HACD3: variants seen among roughly 807,000 people sequenced by gnomAD.
HACD3 encodes the protein 3-hydroxyacyl-CoA dehydratase 3, also known as very-long-chain (3R)-3-hydroxyacyl-CoA dehydratase 3.
Under a neutral mutation model 55.2 loss-of-function variants are expected in HACD3, and 30 were observed. The ratio of observed to expected loss-of-function variants is 0.54; its 90% confidence interval spans 0.41 to 0.74. The LOEUF is 0.74. Among genes scored for constraint, HACD3 ranks in the 30% least tolerant of loss-of-function variants. The probability of loss-of-function intolerance (pLI) is 0.00; values close to 1 mark genes in which losing one functional copy is unlikely to be tolerated. For missense variants in HACD3, 363 were observed against 440.1 expected (o/e 0.82, Z 1.57); for synonymous variants, 141 against 151.7 (o/e 0.93, Z 0.52).
rs555520713 is a variant in HACD3 at position 65,550,151 on chromosome 15, G to T, written c.88-1525G>T. On this transcript the variant is annotated intron_variant, in intron 1 of 10. Transcript: ENST00000261875. ...GCCTGTAATCCCAGCACTTTGGGAG[G>T]CCGAGGCAGGCAGATCACCTGAGGT... 5.3e-5 allele frequency among the ~76,000 whole-genome samples: 8 copies of T among 152,320 alleles called. No individual in the cohort carries two copies. In the South Asian group the frequency reaches 1.5e-3, roughly 28 times the overall value.
chr15:65,568,938 G>C (rs147986318), intron 7 of HACD3, among the ~76,000 whole-genome samples: 35 of 152,126 alleles, frequency 2.3e-4, no homozygotes, highest in African/African-American at 8.4e-4. Flanking sequence ...GTGGACTATA[G>C]CCACATGCAT....
At chr15:65,536,350 A>G (rs1014933203) in intron 1 of HACD3, among the ~76,000 whole-genome samples, 6 of 152,306 alleles carry the variant, frequency 3.9e-5, no homozygotes, top group South Asian at 2.1e-4. Context: ...AAGATGGTGA[A>G]CTTAATCGAT....
At chr15:65,562,441 C>G (rs902725391) in intron 5 of HACD3, among the ~76,000 whole-genome samples, 3 of 152,200 alleles carry the variant, frequency 2.0e-5, no homozygotes, top group African/African-American at 7.2e-5. Context: ...AGCCAGAAAC[C>G]GTTGCCGAAA....
In HACD3 at chr15:65,576,289, CTT is replaced by C. The variant is rs1169856666; in HGVS notation, c.1013-11_1013-10del. The C allele has an allele frequency of 3.8e-6, 6 of 1,582,462 alleles. No homozygotes were observed. Among genetic ancestry groups the C allele is most frequent in the South Asian group, 2.3e-5 (2 of 86,448 alleles). Reference sequence around the variant, plus strand: ...AAAGACTCTAATTTCTAATTGACCTCTTTTCTTTTTCAGGTTTATACATAAAT... The same window carrying C: ...AAAGACTCTAATTTCTAATTGACCTCTTCTTTTTCAGGTTTATACATAAAT... On this transcript the variant is annotated splice_polypyrimidine_tract_variant and intron_variant, in intron 10 of 10. Transcript: ENST00000261875.
intron 1 of HACD3, among the ~76,000 whole-genome samples, chr15:65,543,456 G>C (rs1165897317): frequency 6.6e-6 from 1 of 151,814 alleles, no homozygotes; most frequent in Non-Finnish European, 1.5e-5. Context: ...AAACTTTTTT[G>C]GGATAAAACA....
chr15:65,550,213 C>G (rs1567334461), intron 1 of HACD3, among the ~76,000 whole-genome samples: 1 of 152,020 alleles, frequency 6.6e-6, no homozygotes, highest in African/African-American at 2.4e-5. Context: ...CATGGTGAAA[C>G]CTCGTCTCTG....
chr15:65,551,656 T>A lies in HACD3; in HGVS notation c.88-20T>A. The A allele has an allele frequency of 6.2e-7, 1 of 1,613,940 alleles. No individual in the cohort carries two copies. The highest frequency in any genetic ancestry group is 1.3e-5 in the African/African-American group (1 of 75,048). On this transcript the variant is annotated intron_variant, in intron 1 of 10. Coordinates refer to ENST00000261875, the MANE Select transcript of HACD3 (RefSeq NM_016395.4). ...CTCTTCATTAAAATGCCTTCTTGCATCCTTGGTCTCTTTTCACAGAACCCT... is the reference window on the plus strand; with the variant it reads ...CTCTTCATTAAAATGCCTTCTTGCAACCTTGGTCTCTTTTCACAGAACCCT...
chr15:65,569,998 T>C, intron 7 of HACD3, 93 bp from the exon 8 acceptor site: 1 of 792,628 alleles, frequency 1.3e-6, no homozygotes, highest in Middle Eastern at 4.0e-4. Context: ...CTATTTGCCT[T>C]GCATTTAGTG....
intron 1 of HACD3, among the ~76,000 whole-genome samples, chr15:65,538,855 C>T (rs1458476363): frequency 3.3e-5 from 5 of 152,250 alleles, no homozygotes; most frequent in Admixed American, 3.3e-4. Flanking sequence ...AGGCAGGACC[C>T]GCCACCAGCA....
chr15:65,568,969 C>T (rs903864809), intron 7 of HACD3, among the ~76,000 whole-genome samples: 7 of 151,982 alleles, frequency 4.6e-5, no homozygotes, highest in South Asian at 2.1e-4. Flanking sequence ...GAGTCTTGGC[C>T]GGGCGCGGTG....
intron 1 of HACD3, among the ~76,000 whole-genome samples, chr15:65,539,917 A>C (rs904253819): frequency 7.2e-5 from 11 of 152,214 alleles, no homozygotes; most frequent in East Asian, 5.8e-4. Context: ...TGAATGCCCA[A>C]CGTGTTTTAA....
At chr15:65,571,416 C>T (rs970699773) in intron 8 of HACD3, 132 bp from the exon 9 acceptor site, 1 of 636,762 alleles carries the variant, frequency 1.6e-6, no homozygotes, top group Non-Finnish European at 2.7e-6. Context: ...GGGTTGATAG[C>T]CAGCGTTATA....
At chr15:65,531,224 T>A in intron 1 of HACD3, 1 of 18,466 alleles carries the variant, frequency 5.4e-5, no homozygotes, top group East Asian at 1.1e-3. Context: ...GGGGGAGGGG[T>A]GGGGGGCCAC....
intron 6 of HACD3, 137 bp from the exon 7 acceptor site, chr15:65,564,078 T>A: frequency 9.0e-7 from 1 of 1,116,458 alleles, no homozygotes; most frequent in South Asian, 1.4e-5. Context: ...CTTAGTTAAG[T>A]AAGAAACTTG....
At chr15:65,560,130 G>T (rs1777479124) in intron 5 of HACD3, among the ~76,000 whole-genome samples, 1 of 151,548 alleles carries the variant, frequency 6.6e-6, no homozygotes, top group South Asian at 2.1e-4. Context: ...TTCTACCTCA[G>T]CCTCCCAAGT....
Position 65,562,884 on chromosome 15 carries a change from G to A in HACD3, c.532G>A (p.Glu178Lys), listed in dbSNP as rs1250156955. The stretch of plus-strand genomic sequence containing the variant: ...TGTGCGATTCTGTATCTTGGGAAAA[G>A]GCAAGTAAGACATTTTTGGATTAAT... The part of the protein sequence containing the change: ...LTVRFCILGK[E>K]SFYDTFHTVA... The change falls in exon 6 of 11, where the codon GAG becomes AAG. Residue 178 changes from glutamate (E) to lysine (K), a missense_variant and splice_region_variant. Physicochemically the swap from Glu to Lys is moderately conservative, Grantham distance 56. Transcript: ENST00000261875. 1 of 1,613,624 alleles carries A rather than the reference G, an allele frequency of 6.2e-7. No homozygotes were observed. The highest frequency in any genetic ancestry group is 1.1e-5 in the South Asian group (1 of 91,012).
In HACD3 at chr15:65,556,869, A is replaced by G. The variant is rs2072197031; in HGVS notation, c.335A>G (p.Asp112Gly). 6.2e-7 allele frequency: 1 copy of G among 1,612,938 alleles called. No individual in the cohort carries two copies. Among genetic ancestry groups the G allele is most frequent in the Non-Finnish European group, 8.5e-7 (1 of 1,179,500 alleles). The change falls in exon 4 of 11, where the codon GAT (aspartate) becomes GGT (glycine). Residue 112 changes from aspartate to glycine, a missense_variant. By Grantham distance (94) the Asp-to-Gly change is moderately conservative. Coordinates refer to ENST00000261875, the MANE Select transcript of HACD3 (RefSeq NM_016395.4). ...FLAPDFDRWLDESDAEMELRA... is the reference protein window; with the variant it reads ...FLAPDFDRWLGESDAEMELRA... ...GCTCCTGACTTTGATCGTTGGCTGG[A>G]TGAATCTGATGCGGAAATGGAGCTC...
intron 1 of HACD3, among the ~76,000 whole-genome samples, chr15:65,544,070 G>A (rs1169502393): frequency 3.3e-5 from 5 of 152,082 alleles, no homozygotes; most frequent in African/African-American, 4.8e-5. Flanking sequence ...CCAGCTACTC[G>A]GGAGGCCGAG....
At position 65,577,006 on chromosome 15, in the gene HACD3, C is replaced by T. The variant is rs1236182589; in HGVS notation, c.*627C>T. ...CTCAGCAGTGTGGGCATTGAAGAGG[C>T]GCAGAATGCTTTGAAAGAAACTAAT... On this transcript the variant is annotated 3_prime_UTR_variant, in exon 11 of 11. Transcript: ENST00000261875. 6.6e-6 allele frequency: 1 copy of T among 152,170 alleles called. No homozygotes were observed. The highest frequency in any genetic ancestry group is 1.9e-4 in the East Asian group (1 of 5,198). 9.4% of individuals were successfully genotyped at this position (152,170 alleles called of 1,614,324 possible). A position where few individuals can be genotyped will look rare whatever the true frequency, so the allele number is the denominator to read the frequency against.
Sources: allele counts gnomAD v4.1 joint callset (sites outside exome capture counted in the v4.1 genomes callset), GRCh38; gene constraint gnomAD v4.1.1; transcripts MANE v1.5; gene names NCBI Gene and HGNC (gene_info 2026-07-23, HGNC 2026-07-21).